Variants in SMIM27 observed in about 807,000 individuals in gnomAD.
The protein encoded by SMIM27 is transition zone microprotein 1.
SMIM27 carries 3 observed loss-of-function variants against 1.8 expected under a neutral mutation model. The observed-to-expected ratio is 1.65, with a 90% CI of 0.75 to 4.28. The LOEUF (loss-of-function observed/expected upper bound fraction) is 4.28, where lower values mean the gene tolerates loss of function less well. Ranked by LOEUF, SMIM27 falls within the 30% of genes most tolerant of loss-of-function variation. SMIM27 has a pLI of 0.02. For missense variants in SMIM27, 63 were observed against 37.0 expected (o/e 1.70, Z -1.83); for synonymous variants, 19 against 13.9 (o/e 1.37, Z -0.82).
chr9:32,565,232 G>A (rs575255032), intron 1 of SMIM27, among the ~76,000 whole-genome samples: 40 of 151,594 alleles, frequency 2.6e-4, no homozygotes, highest in Non-Finnish European at 4.4e-4. Context: ...GGCAGAGGTC[G>A]CAGTGAGCCG....
At chr9:32,552,047 A>G (rs1257249505), upstream of SMIM27, among the ~76,000 whole-genome samples, 3 of 152,092 alleles carry the variant, frequency 2.0e-5, no homozygotes, top group Non-Finnish European at 2.9e-5. Flanking sequence ...AGCCAGACGT[A>G]ATATTTAAAA....
chr9:32,557,203 G>GA (rs1821486651), downstream of SMIM27, among the ~76,000 whole-genome samples: 1 of 125,624 alleles, frequency 8.0e-6, no homozygotes, highest in Non-Finnish European at 1.6e-5. Context: ...CTCACTCTGT[G>GA]ACCCAGGCTG....
At chr9:32,556,910 G>A (rs1285436206), downstream of SMIM27, among the ~76,000 whole-genome samples, 3 of 137,746 alleles carry the variant, frequency 2.2e-5, no homozygotes, top group Non-Finnish European at 4.6e-5. Context: ...GGAGTGCAGT[G>A]GCGCAATCTT....
At chr9:32,553,871 A>C (rs1035190565), downstream of SMIM27, 4 of 1,559,204 alleles carry the variant, frequency 2.6e-6, no homozygotes, top group Non-Finnish European at 3.5e-6. Context: ...CTTTTTACAT[A>C]ATCTTTAATG....
In SMIM27 at chr9:32,563,525, T is replaced by A. The variant is rs922072011; in HGVS notation, c.46-2866T>A. Among the ~76,000 whole-genome samples, 3 of 130,618 alleles carry A rather than the reference T, an allele frequency of 2.3e-5. No homozygotes were observed. The Admixed American group carries it at 2.3e-4, about 10-fold the overall frequency. The allele number at this position is 130,618 out of a possible 152,430, so 85.7% of individuals were successfully genotyped here. A position where few individuals can be genotyped will look rare whatever the true frequency, so the allele number is the denominator to read the frequency against. The stretch of plus-strand genomic sequence containing the variant: ...TTTTTGGAGGGATGGGGTCTCATTA[T>A]GTTGCCCAGGTTGATCTCAAACTCT... On this transcript the variant is annotated intron_variant, in intron 1 of 1. Coordinates refer to the SMIM27 transcript ENST00000451672.
chr9:32,551,409 G>A, upstream of SMIM27: 1 of 324,246 alleles, frequency 3.1e-6, no homozygotes, highest in Non-Finnish European at 6.1e-6. Flanking sequence ...AGTCCAACGG[G>A]ATCCCAAACC....
chr9:32,553,768 A>G (rs1821373236), downstream of SMIM27: 3 of 754,712 alleles, frequency 4.0e-6, no homozygotes, highest in Non-Finnish European at 6.8e-6. Context: ...AGATATGACA[A>G]TTTCTGAGAT....
downstream of SMIM27, chr9:32,553,607 AC>A (rs1307524596): frequency 7.7e-6 from 3 of 390,244 alleles, no homozygotes; most frequent in Non-Finnish European, 9.4e-6. Context: ...TAAGAAAAAA[AC>A]AAACAAACAT....
downstream of SMIM27, among the ~76,000 whole-genome samples, chr9:32,555,994 A>C (rs1227542058): frequency 1.3e-5 from 2 of 152,230 alleles, no homozygotes; most frequent in Non-Finnish European, 1.5e-5. Context: ...GATACAGTTA[A>C]CTTGTCTTCT....
At chr9:32,555,443 T>G (rs1409341312), downstream of SMIM27, among the ~76,000 whole-genome samples, 1 of 152,156 alleles carries the variant, frequency 6.6e-6, no homozygotes, top group African/African-American at 2.4e-5. Flanking sequence ...GGCCTCCACA[T>G]AGCTGCCACA....
chr9:32,558,784 CA>C lies in SMIM27; in HGVS notation c.45+6309del, dbSNP rs1339828705. The C allele has an allele frequency of 5.2e-6, 3 of 578,860 alleles. No homozygotes were observed. In the African/African-American group the frequency reaches 5.7e-5, roughly 11 times the overall value. The allele number at this position is 578,860 out of a possible 1,614,324, so 35.9% of individuals were successfully genotyped here. On this transcript the variant is annotated intron_variant, in intron 1 of 1. Transcript: ENST00000451672. ...TTGTTTTGTTTTTTACAAGAATACA[CA>C]AAACAGGGACTTAAACCGAAAGTGA...
At position 32,566,450 on chromosome 9, in the gene SMIM27, T is replaced by C. The variant is rs553745078; in HGVS notation, c.105T>C (p.Ser35=). 1.1e-4 allele frequency: 88 copies of C among 818,666 alleles called. No homozygotes were observed. In the African/African-American group the frequency reaches 1.2e-3, roughly 11 times the overall value. 50.7% of individuals were successfully genotyped at this position (818,666 alleles called of 1,614,324 possible). ...TTACTGTAGGGGTTGATGGAGTATC[T>C]TGACAAGCAGCCGTCCATGTCGAAG... is the stretch of plus-strand genomic sequence containing the variant. The change falls in exon 2 of 2, where the codon TCT becomes TCC. Residue 35 remains serine, a synonymous_variant. Coordinates refer to the SMIM27 transcript ENST00000451672.
At chr9:32,566,825 G>C in exon 2 of SMIM27, 2 of 886,848 alleles carry the variant, frequency 2.3e-6, no homozygotes, top group Admixed American at 3.6e-5. Flanking sequence ...GCCTCTGTGG[G>C]GGCCTGCTCA....
At chr9:32,554,633 T>G (rs1346080211), downstream of SMIM27, among the ~76,000 whole-genome samples, 1 of 152,224 alleles carries the variant, frequency 6.6e-6, no homozygotes, top group African/African-American at 2.4e-5. Context: ...TGCCATTCCC[T>G]GACCTGGTAC....
downstream of SMIM27, among the ~76,000 whole-genome samples, chr9:32,554,852 CTATT>C (rs1821411164): frequency 6.6e-6 from 1 of 152,018 alleles, no homozygotes; most frequent in South Asian, 2.1e-4. Flanking sequence ...CAGTGGCAAA[CTATT>C]TAGCAAAATA....
chr9:32,559,329 A>G (rs1328763364), intron 1 of SMIM27, among the ~76,000 whole-genome samples: 1 of 152,212 alleles, frequency 6.6e-6, no homozygotes, highest in African/African-American at 2.4e-5. Context: ...AGCCTCTATC[A>G]TATTTTCACC....
At chr9:32,556,091 G>A (rs78722312), downstream of SMIM27, among the ~76,000 whole-genome samples, 1 of 27,530 alleles carries the variant, frequency 3.6e-5, no homozygotes, top group Non-Finnish European at 9.8e-5. Flanking sequence ...ATTTGGGGCC[G>A]GGGTGCAATG....
At chr9:32,566,158 T>C in intron 1 of SMIM27, 1 of 700,374 alleles carries the variant, frequency 1.4e-6, no homozygotes, top group East Asian at 2.5e-5. Context: ...TCACTGGCGC[T>C]TTCACACAGG....
downstream of SMIM27, chr9:32,553,145 T>C (rs1821348264): frequency 2.3e-6 from 1 of 434,942 alleles, no homozygotes; most frequent in Non-Finnish European, 4.1e-6. Flanking sequence ...CAGATCATAG[T>C]TGGAATAAGC....
Sources: gnomAD v4.1 joint callset for allele counts (sites outside exome capture counted in the v4.1 genomes callset) on GRCh38, gnomAD v4.1.1 for gene constraint, MANE v1.5 for transcripts, NCBI Gene and HGNC (gene_info 2026-07-23, HGNC 2026-07-21) for gene names.